The following PLCL1 variants were observed in gnomAD, a reference collection of about 807,000 sequenced individuals.
PLCL1 encodes inactive phospholipase C-like protein 1.
Under a neutral mutation model 84.4 loss-of-function variants are expected in PLCL1, and 41 were observed. The ratio of observed to expected loss-of-function variants is 0.49; its 90% CI spans 0.38 to 0.63. PLCL1 has a LOEUF of 0.63. Among genes scored for constraint, PLCL1 ranks in the 30% least tolerant of loss-of-function variants. The probability of loss-of-function intolerance (pLI) is 0.00; values close to 1 mark genes in which losing one functional copy is unlikely to be tolerated. For synonymous variants in PLCL1, 490 were observed against 488.3 expected, an observed-to-expected ratio of 1.00 and a Z score of -0.05; for missense variants, 1,206 against 1,367.8, an observed-to-expected ratio of 0.88 and a Z score of 1.87.
intron 1 of PLCL1, among the ~76,000 whole-genome samples, chr2:197,997,199 A>G (rs1690488920): frequency 6.6e-6 from 1 of 152,250 alleles, no homozygotes; most frequent in East Asian, 1.9e-4. Flanking sequence ...CACAGTCCAC[A>G]GAGTCCGCTC....
At chr2:198,112,822 A>G (rs1693653479) in intron 5 of PLCL1, among the ~76,000 whole-genome samples, 1 of 151,876 alleles carries the variant, frequency 6.6e-6, no homozygotes, top group Non-Finnish European at 1.5e-5. Flanking sequence ...AGTGGCAGCC[A>G]GTTTAGTCTC....
At chr2:197,893,847 A>C (rs1688079686) in intron 1 of PLCL1, among the ~76,000 whole-genome samples, 1 of 152,028 alleles carries the variant, frequency 6.6e-6, no homozygotes, top group Non-Finnish European at 1.5e-5. Context: ...TTGTATAATT[A>C]GAAGCTGGAG....
At chr2:197,955,285 C>T (rs1689463380) in intron 1 of PLCL1, among the ~76,000 whole-genome samples, 2 of 151,978 alleles carry the variant, frequency 1.3e-5, no homozygotes, top group African/African-American at 2.4e-5. Context: ...CAAATAAAAC[C>T]CAAACACTGC....
At chr2:197,890,795 T>C (rs1385651292) in intron 1 of PLCL1, among the ~76,000 whole-genome samples, 59 of 145,292 alleles carry the variant, frequency 4.1e-4, no homozygotes, top group African/African-American at 1.3e-3. Flanking sequence ...TATATGTATA[T>C]ATATATTTGC....
intron 1 of PLCL1, among the ~76,000 whole-genome samples, chr2:197,841,986 A>T (rs1687013136): frequency 6.6e-6 from 1 of 152,162 alleles, no homozygotes; most frequent in African/African-American, 2.4e-5. Context: ...CTAGGTAAAA[A>T]CTGCTCAGAA....
At chr2:197,881,280 CCAAA>C (rs1270801963) in intron 1 of PLCL1, among the ~76,000 whole-genome samples, 1 of 152,124 alleles carries the variant, frequency 6.6e-6, no homozygotes. Context: ...CAGAGGTTAA[CCAAA>C]CAATCTTGCA....
At chr2:197,889,712 T>A (rs1358002524) in intron 1 of PLCL1, among the ~76,000 whole-genome samples, 1 of 152,148 alleles carries the variant, frequency 6.6e-6, no homozygotes, top group Non-Finnish European at 1.5e-5. Context: ...TTATTTCAGT[T>A]TTTTTTTCTT....
chr2:198,046,445 G>T (rs1192323597), intron 1 of PLCL1, among the ~76,000 whole-genome samples: 2 of 152,194 alleles, frequency 1.3e-5, no homozygotes, highest in Non-Finnish European at 1.5e-5. Flanking sequence ...CAGAAGACGG[G>T]TGATTTCTGC....
At chr2:197,977,138 A>G (rs1322812191) in intron 1 of PLCL1, among the ~76,000 whole-genome samples, 2 of 152,370 alleles carry the variant, frequency 1.3e-5, no homozygotes, top group East Asian at 3.9e-4. Flanking sequence ...GTACAAAAAA[A>G]GGACATGAAT....
chr2:197,931,875 T>C (rs906037488), intron 1 of PLCL1, among the ~76,000 whole-genome samples: 1 of 152,202 alleles, frequency 6.6e-6, no homozygotes. Flanking sequence ...GAGGTTTAAA[T>C]TGTTAAGGTT....
At chr2:197,869,968 T>TA (rs1430842839) in intron 1 of PLCL1, among the ~76,000 whole-genome samples, 2 of 152,144 alleles carry the variant, frequency 1.3e-5, no homozygotes, top group African/African-American at 4.8e-5. Context: ...CCATAAGTGT[T>TA]ATTTATCAGA....
chr2:197,946,359 C>T (rs1039058589), intron 1 of PLCL1, among the ~76,000 whole-genome samples: 7 of 151,984 alleles, frequency 4.6e-5, no homozygotes, highest in Admixed American at 4.6e-4. Flanking sequence ...ACAGTACATA[C>T]GATAGACAAG....
intron 3 of PLCL1, among the ~76,000 whole-genome samples, chr2:198,097,138 A>G (rs1423145116): frequency 6.6e-6 from 1 of 152,218 alleles, no homozygotes; most frequent in Non-Finnish European, 1.5e-5. Flanking sequence ...ACCTAAAAAA[A>G]GAACTGTCTG....
intron 1 of PLCL1, among the ~76,000 whole-genome samples, chr2:197,859,820 T>C (rs1687395677): frequency 6.6e-6 from 1 of 152,208 alleles, no homozygotes; most frequent in African/African-American, 2.4e-5. Flanking sequence ...TTCTATGATA[T>C]AAGCACAATT....
Position 197,804,732 on chromosome 2 carries a change from C to G in PLCL1, c.-368C>G, listed in dbSNP as rs1690427988. The G allele has an allele frequency of 5.9e-6, 1 of 168,964 alleles. No homozygotes were observed. Among genetic ancestry groups the G allele is most frequent in the Non-Finnish European group, 1.3e-5 (1 of 79,454 alleles). The allele number at this position is 168,964 out of a possible 1,614,324, so 10.5% of individuals were successfully genotyped here. On this transcript the variant is annotated 5_prime_UTR_variant, in exon 1 of 6. Coordinates refer to ENST00000428675, the MANE Select transcript of PLCL1 (RefSeq NM_006226.4). ...GCCGCCGGCGTCCGGGCTCCAGAGGCCGCCTGGCTGGGCGCCCGGTGCCTT... is the reference window on the plus strand; with the variant it reads ...GCCGCCGGCGTCCGGGCTCCAGAGGGCGCCTGGCTGGGCGCCCGGTGCCTT...
At chr2:198,038,854 A>AG (rs1224086975) in intron 1 of PLCL1, among the ~76,000 whole-genome samples, 3 of 151,546 alleles carry the variant, frequency 2.0e-5, no homozygotes, top group Admixed American at 6.6e-5. Flanking sequence ...CAAAAAAAAA[A>AG]AAAAAAGAAA....
chr2:197,974,961 G>A (rs1340530575), intron 1 of PLCL1, among the ~76,000 whole-genome samples: 1 of 151,794 alleles, frequency 6.6e-6, no homozygotes, highest in Non-Finnish European at 1.5e-5. Flanking sequence ...CTAACAAGGT[G>A]AAACCCCGTC....
intron 1 of PLCL1, among the ~76,000 whole-genome samples, chr2:198,036,554 C>G (rs993926057): frequency 2.0e-5 from 3 of 152,144 alleles, no homozygotes; most frequent in African/African-American, 7.2e-5. Context: ...TTTTGGGGTT[C>G]CTTCTATATC....
rs562805300 is a variant in PLCL1 at position 198,052,159 on chromosome 2, G to A, written c.241-31599G>A. On this transcript the variant is annotated intron_variant, in intron 1 of 5. Coordinates refer to ENST00000428675, the MANE Select transcript of PLCL1 (RefSeq NM_006226.4). Reference sequence around the variant, plus strand: ...ACTCCCTACCTCAGGTGATCCACCCGCCTTGGCCTCCCAAAGTGCTGGGAT... The same window carrying A: ...ACTCCCTACCTCAGGTGATCCACCCACCTTGGCCTCCCAAAGTGCTGGGAT... Among the ~76,000 whole-genome samples, 26 of 152,106 alleles carry A rather than the reference G, an allele frequency of 1.7e-4. 1 individual carries two copies. Among genetic ancestry groups the A allele is most frequent in the East Asian group, 1.5e-3 (8 of 5,170 alleles).
Sources: gnomAD v4.1 joint callset for allele counts (sites outside exome capture counted in the v4.1 genomes callset) on GRCh38, gnomAD v4.1.1 for gene constraint, MANE v1.5 for transcripts, NCBI Gene and HGNC (gene_info 2026-07-23, HGNC 2026-07-21) for gene names.